The following TENM1 variants were observed in gnomAD, a reference collection of about 807,000 sequenced individuals.
The protein encoded by TENM1 is teneurin-1.
Under a neutral mutation model 174.8 loss-of-function variants are expected in TENM1, and 35 were observed. That is an observed-to-expected ratio of 0.20 (90% CI 0.15 to 0.27). The LOEUF (loss-of-function observed/expected upper bound fraction) is 0.27. Among genes scored for constraint, TENM1 ranks in the 10% least tolerant of loss-of-function variants. TENM1 has a pLI of 1.00. For missense variants in TENM1, 1,633 were observed against 2,130.1 expected (o/e 0.77, Z 4.59); for synonymous variants, 781 against 798.7 (o/e 0.98, Z 0.37).
At chrX:125,198,138 C>G in the TENM1 span, among the ~76,000 whole-genome samples, 1 of 111,757 alleles carries the variant, frequency 8.9e-6, no homozygotes, top group African/African-American at 3.2e-5. Flanking sequence ...ACAACTTAGT[C>G]GAATAAAATT....
intron 4 of TENM1, among the ~76,000 whole-genome samples, chrX:124,710,284 G>A (rs150320842): frequency 2.0e-3 from 222 of 111,325 alleles, no homozygotes; most frequent in African/African-American, 6.7e-3. Context: ...TTATGGATTC[G>A]ATGCAGCAAC....
chrX:125,053,666 T>C, the TENM1 span, among the ~76,000 whole-genome samples: 6 of 111,747 alleles, frequency 5.4e-5, no homozygotes, highest in Non-Finnish European at 1.1e-4. Context: ...TTGGGTTCTA[T>C]AAAAGATTAC....
chrX:124,484,343 C>G (rs757008493), intron 21 of TENM1, among the ~76,000 whole-genome samples: 14 of 111,686 alleles, frequency 1.3e-4, no homozygotes, highest in African/African-American at 4.2e-4. Context: ...TACTCTTTCT[C>G]CCCTACTTTC....
At position 124,896,132 on chromosome X, in the gene TENM1, T is replaced by C. The variant is rs34981391; in HGVS notation, c.327A>G (p.Thr109=). ...CAGGTGAGGCAGCACCTTCTGTCTC[T>C]GTGTCCACATCAGATCCCATCTCTA... The change falls in exon 2 of 32, where the codon ACA becomes ACG. Residue 109 remains threonine, a synonymous_variant. Coordinates refer to ENST00000422452, the Ensembl canonical transcript of TENM1. 1.2e-3 allele frequency: 1,510 copies of C among 1,209,767 alleles called. 17 individuals are homozygous for C. In the African/African-American group the frequency reaches 0.024, roughly 19 times the overall value.
chrX:124,746,481 T>G (rs2053922068), intron 3 of TENM1, among the ~76,000 whole-genome samples: 1 of 111,918 alleles, frequency 8.9e-6, no homozygotes, highest in Non-Finnish European at 1.9e-5. Context: ...ACTTTGCTTA[T>G]GCTAAGCTAT....
chrX:124,901,335 GA>G (rs200525688), intron 1 of TENM1, among the ~76,000 whole-genome samples: 2 of 108,386 alleles, frequency 1.8e-5, no homozygotes, highest in African/African-American at 3.3e-5. Context: ...ATGAAGCACT[GA>G]AAAAAAAATA....
intron 27 of TENM1, among the ~76,000 whole-genome samples, chrX:124,403,139 TA>T (rs771639872): frequency 4.2e-4 from 44 of 104,991 alleles, no homozygotes; most frequent in African/African-American, 1.3e-3. Flanking sequence ...AGTAGCTTTA[TA>T]AAAAAAAAAC....
the TENM1 span, among the ~76,000 whole-genome samples, chrX:125,148,392 G>T: frequency 9.0e-6 from 1 of 110,953 alleles, no homozygotes; most frequent in African/African-American, 3.3e-5. Context: ...TATGACATCT[G>T]TAGTGCAACT....
intron 16 of TENM1, among the ~76,000 whole-genome samples, chrX:124,526,522 T>C (rs752263091): frequency 1.8e-5 from 2 of 112,223 alleles, no homozygotes; most frequent in Non-Finnish European, 3.8e-5. Flanking sequence ...TGGCCAGAGA[T>C]CCATCTAAAC....
chrX:124,746,280 AG>A (rs909181451), intron 3 of TENM1, among the ~76,000 whole-genome samples: 3 of 111,669 alleles, frequency 2.7e-5, no homozygotes, highest in African/African-American at 9.7e-5. Context: ...CATTCCTAAC[AG>A]CTGTTTTGGC....
intron 16 of TENM1, among the ~76,000 whole-genome samples, chrX:124,529,246 ATGT>A (rs1362906336): frequency 8.9e-6 from 1 of 112,001 alleles, no homozygotes; most frequent in Non-Finnish European, 1.9e-5. Flanking sequence ...GGCAACAAAA[ATGT>A]TGTTGTGAGC....
At chrX:124,779,401 C>A (rs1000436392) in intron 3 of TENM1, among the ~76,000 whole-genome samples, 5 of 111,905 alleles carry the variant, frequency 4.5e-5, no homozygotes, top group Middle Eastern at 4.6e-3. Flanking sequence ...TTAGATCATA[C>A]AAGGATCTAC....
intron 14 of TENM1, among the ~76,000 whole-genome samples, chrX:124,555,435 T>G (rs2048672627): frequency 8.9e-6 from 1 of 111,993 alleles, no homozygotes; most frequent in South Asian, 3.7e-4. Flanking sequence ...TTCAAAAAGT[T>G]CTTGGAAAAT....
chrX:125,178,540 CA>C, the TENM1 span, among the ~76,000 whole-genome samples: 2 of 107,154 alleles, frequency 1.9e-5, no homozygotes, highest in South Asian at 3.9e-4. Context: ...AAATAAGCTA[CA>C]AAAAAAAAGA....
In TENM1 at chrX:124,869,868, T is replaced by C. The variant is rs980959458; in HGVS notation, c.535+24428A>G. Among the ~76,000 whole-genome samples the C allele has an allele frequency of 2.5e-4, 28 of 110,452 alleles. No individual in the cohort carries two copies. The Admixed American group carries it at 2.6e-3, about 10-fold the overall frequency. On this transcript the variant is annotated intron_variant, in intron 3 of 31. Transcript: ENST00000422452. ...TGTGGGGGGAGGTGGGGGTGGTTAA[T>C]GTATACAAAAAATAGAAAGAACAAA...
At chrX:124,491,249 A>G (rs2047059622) in intron 20 of TENM1, among the ~76,000 whole-genome samples, 2 of 111,906 alleles carry the variant, frequency 1.8e-5, no homozygotes, top group Admixed American at 1.9e-4. Flanking sequence ...AAAGAGATCA[A>G]TGTAGAGACA....
chrX:124,709,458 A>C (rs965973261), intron 4 of TENM1, among the ~76,000 whole-genome samples: 1 of 109,920 alleles, frequency 9.1e-6, no homozygotes, highest in African/African-American at 3.3e-5. Flanking sequence ...GAGCCACACT[A>C]TTACATTCCT....
the TENM1 span, among the ~76,000 whole-genome samples, chrX:125,022,010 C>A: frequency 3.0e-3 from 338 of 112,126 alleles, 4 homozygotes; most frequent in East Asian, 0.08. Flanking sequence ...GAAGTTTTAT[C>A]AAGTTTTAGA....
intron 11 of TENM1, among the ~76,000 whole-genome samples, chrX:124,585,686 T>C (rs749880224): frequency 0.014 from 1,595 of 110,021 alleles, 27 homozygotes; most frequent in African/African-American, 0.043. Context: ...TAACTAAAAT[T>C]AGAGCAGAAC....
Sources: gnomAD v4.1 joint callset for allele counts (sites outside exome capture counted in the v4.1 genomes callset) on GRCh38, gnomAD v4.1.1 for gene constraint, MANE v1.5 for transcripts, NCBI Gene and HGNC (gene_info 2026-07-23, HGNC 2026-07-21) for gene names.